Variants in RP1 observed in about 807,000 individuals in gnomAD.
RP1 encodes the protein RP1 axonemal microtubule associated, also known as oxygen-regulated protein 1.
In RP1, 16 loss-of-function variants were observed where a neutral mutation model predicts 14.8. That is an observed-to-expected ratio of 1.08 (90% confidence interval 0.73 to 1.65). The LOEUF (loss-of-function observed/expected upper bound fraction) is 1.65. RP1 is among the 40% of genes most tolerant of loss of function. RP1 has a pLI of 0.00. For synonymous variants in RP1, 876 were observed against 883.6 expected, an observed-to-expected ratio of 0.99 and a Z score of 0.15; for missense variants, 2,631 against 2,535.0, an observed-to-expected ratio of 1.04 and a Z score of -0.81.
chr8:54,627,678 A>T lies in RP1; in HGVS notation c.3796A>T (p.Lys1266Ter). Residue 1266 changes from lysine (K) to a stop codon, truncating the protein, a stop_gained, in exon 4 of 4, where the codon AAG becomes TAG. Coordinates refer to ENST00000220676, the MANE Select transcript of RP1 (RefSeq NM_006269.2). LOFTEE classifies it low-confidence loss of function (END_TRUNC). ...TCCATGTGAGATGTGCACTGTAAAT[A>T]AGGCTTATTCTCCAAAAGAGACATG... ...CSPCEMCTVN[K>*]AYSPKETCNP... 6.2e-7 allele frequency: 1 copy of T among 1,614,178 alleles called. No individual in the cohort carries two copies. Among genetic ancestry groups the T allele is most frequent in the Non-Finnish European group, 8.5e-7 (1 of 1,179,986 alleles).
intron 15 of RP1, among the ~76,000 whole-genome samples, chr8:54,712,024 A>G (rs1808303636): frequency 6.6e-6 from 1 of 152,172 alleles, no homozygotes; most frequent in African/African-American, 2.4e-5. Context: ...AGGCCTGTCC[A>G]GGTTTTTCTT....
At chr8:54,727,063 T>G (rs187466053) in intron 17 of RP1, among the ~76,000 whole-genome samples, 1 of 152,198 alleles carries the variant, frequency 6.6e-6, no homozygotes, top group African/African-American at 2.4e-5. Context: ...GGGGGACCAT[T>G]TTTTTAAAAC....
chr8:54,616,491 T>G (rs1805719271), intron 1 of RP1, among the ~76,000 whole-genome samples: 1 of 152,236 alleles, frequency 6.6e-6, no homozygotes, highest in Non-Finnish European at 1.5e-5. Context: ...TATATACTTC[T>G]TATAGACATC....
chr8:54,610,751 A>T (rs1168021935), intron 1 of RP1, among the ~76,000 whole-genome samples: 1 of 152,164 alleles, frequency 6.6e-6, no homozygotes, highest in Non-Finnish European at 1.5e-5. Context: ...ACATCTGCAA[A>T]TGCTGTCACA....
exon 19 of RP1, chr8:54,738,987 A>G: frequency 6.5e-7 from 1 of 1,531,208 alleles, no homozygotes; most frequent in Non-Finnish European, 8.7e-7. Context: ...TAAGGATAGG[A>G]CATGATGGAA....
At chr8:54,794,354 T>A (rs115192761) in intron 24 of RP1, among the ~76,000 whole-genome samples, 1 of 151,380 alleles carries the variant, frequency 6.6e-6, no homozygotes. Context: ...TTTATTTTAT[T>A]GGCATAAAAG....
At chr8:54,719,986 CA>C (rs1304411235) in intron 15 of RP1, 2 of 673,110 alleles carry the variant, frequency 3.0e-6, no homozygotes, top group Non-Finnish European at 4.8e-6. Flanking sequence ...ATGAAGCACA[CA>C]GGGCAATTTA....
intron 1 of RP1, among the ~76,000 whole-genome samples, chr8:54,604,094 G>T (rs1224256976): frequency 6.6e-6 from 1 of 152,188 alleles, no homozygotes; most frequent in Non-Finnish European, 1.5e-5. Flanking sequence ...AGTGGTGAGA[G>T]AGGGCATCCC....
chr8:54,645,992 C>CT (rs1806542208), intron 3 of RP1, among the ~76,000 whole-genome samples: 2 of 152,050 alleles, frequency 1.3e-5, no homozygotes, highest in African/African-American at 4.8e-5. Context: ...CACCCGCATT[C>CT]TTTTTTTCTC....
intron 15 of RP1, among the ~76,000 whole-genome samples, chr8:54,716,663 C>T (rs1300309860): frequency 2.0e-5 from 3 of 152,180 alleles, no homozygotes; most frequent in Non-Finnish European, 4.4e-5. Context: ...TCTCCCAGAT[C>T]TCCAGTCCTC....
In RP1 at chr8:54,628,930, C is replaced by T. The variant is rs375430744; in HGVS notation, c.5048C>T (p.Ser1683Phe). The T allele has an allele frequency of 2.5e-5, 41 of 1,613,902 alleles. No homozygotes were observed. The highest frequency in any genetic ancestry group is 3.5e-5 in the Non-Finnish European group (41 of 1,179,974). ...YDSEGQSFGS[S>F]EQVSSSSSML... ...TCTGAAGGGCAGTCATTTGGCTCTT[C>T]TGAACAGGTATCTAGTAGTTCATCT... The change falls in exon 4 of 4, where the codon TCT becomes TTT. Residue 1683 changes from serine to phenylalanine, a missense_variant. Transcript: ENST00000220676.
At position 54,624,704 on chromosome 8, in the gene RP1, G is replaced by C; in HGVS notation, c.822G>C (p.Gln274His). Residue 274 changes from glutamine to histidine, a missense_variant, in exon 4 of 4, where the codon CAG (glutamine) becomes CAC (histidine). By Grantham distance (24) the Gln-to-His change is conservative (BLOSUM62 0). Coordinates refer to ENST00000220676, the MANE Select transcript of RP1 (RefSeq NM_006269.2). ...ATATGTCTTCAAGCTCAAGGTCCCA[G>C]ATTTATTCTGTTTCTTCTGAGAAAA... ...STHMSSSSRSQIYSVSSEKTH... is the reference protein window; with the variant it reads ...STHMSSSSRSHIYSVSSEKTH... 1 of 1,613,898 alleles carries C rather than the reference G, an allele frequency of 6.2e-7. No homozygotes were observed. The highest frequency in any genetic ancestry group is 8.5e-7 in the Non-Finnish European group (1 of 1,179,950).
chr8:54,571,595 T>C (rs1804524731), intron 1 of RP1, among the ~76,000 whole-genome samples: 1 of 152,190 alleles, frequency 6.6e-6, no homozygotes, highest in Non-Finnish European at 1.5e-5. Context: ...AAGTCTTCCT[T>C]TTCAGATGTG....
chr8:54,673,916 G>A (rs1047519236), exon 8 of RP1: 23 of 1,535,716 alleles, frequency 1.5e-5, no homozygotes, highest in Non-Finnish European at 1.9e-5. Flanking sequence ...AGGCCATGAT[G>A]GACTTGGCCC....
intron 7 of RP1, among the ~76,000 whole-genome samples, chr8:54,664,939 C>T (rs889647076): frequency 6.6e-6 from 1 of 152,106 alleles, no homozygotes; most frequent in African/African-American, 2.4e-5. Flanking sequence ...CTCAGCATCA[C>T]ACAATATACC....
At chr8:54,784,857 G>T (rs1048493161) in intron 24 of RP1, among the ~76,000 whole-genome samples, 1 of 151,830 alleles carries the variant, frequency 6.6e-6, no homozygotes, top group African/African-American at 2.4e-5. Flanking sequence ...GTTAAAAGTG[G>T]TTTTCTGCAA....
intron 7 of RP1, among the ~76,000 whole-genome samples, chr8:54,666,869 T>C (rs1002598099): frequency 6.6e-6 from 1 of 152,060 alleles, no homozygotes; most frequent in East Asian, 1.9e-4. Flanking sequence ...AGGCAGTTGA[T>C]GTAGGAGCCA....
chr8:54,864,358 A>T (rs1057353854), intron 27 of RP1, among the ~76,000 whole-genome samples: 7 of 152,212 alleles, frequency 4.6e-5, no homozygotes, highest in African/African-American at 1.7e-4. Flanking sequence ...CTTCCTCTGT[A>T]TTATAAATTA....
At chr8:54,869,195 A>G (rs190456113) in intron 28 of RP1, among the ~76,000 whole-genome samples, 7 of 152,304 alleles carry the variant, frequency 4.6e-5, no homozygotes, top group Admixed American at 2.0e-4. Flanking sequence ...GATTCAGATC[A>G]AAATATATTT....
Sources: gnomAD v4.1 joint callset for allele counts (sites outside exome capture counted in the v4.1 genomes callset) on GRCh38, gnomAD v4.1.1 for gene constraint, MANE v1.5 for transcripts, NCBI Gene and HGNC (gene_info 2026-07-23, HGNC 2026-07-21) for gene names.